Variants in PAN3 observed in about 807,000 individuals in gnomAD.
PAN3 encodes the protein poly(A) specific ribonuclease subunit PAN3.
A neutral mutation model predicts 96.2 loss-of-function variants in PAN3; 19 were observed. That is an observed-to-expected ratio of 0.20 (90% CI 0.14 to 0.29). The LOEUF (loss-of-function observed/expected upper bound fraction) is 0.29, where lower values mean the gene tolerates loss of function less well. Among genes scored for constraint, PAN3 ranks in the 10% least tolerant of loss-of-function variants. The probability of loss-of-function intolerance (pLI) is 1.00; values close to 1 mark genes in which losing one functional copy is unlikely to be tolerated. For synonymous variants in PAN3, 433 were observed against 406.6 expected (o/e 1.06, Z -0.78); for missense variants, 882 against 1,108.1 (o/e 0.80, Z 2.90).
chr13:28,289,703 A>T (rs1157677061), intron 18 of PAN3, among the ~76,000 whole-genome samples: 1 of 152,098 alleles, frequency 6.6e-6, no homozygotes, highest in Non-Finnish European at 1.5e-5. Context: ...AACACGGTGA[A>T]ACCCCGTCCC....
rs531709276 is a variant in PAN3, at chr13:28,272,672, C to T, written c.2049+601C>T. ...ACAACCTCTGCCTCCCAGGTTCAAGCGATTCTCCTGCCTCAGCCTCCCGAG... is the reference window on the plus strand; with the variant it reads ...ACAACCTCTGCCTCCCAGGTTCAAGTGATTCTCCTGCCTCAGCCTCCCGAG... On this transcript the variant is annotated intron_variant, in intron 14 of 18. Transcript: ENST00000380958. 4.0e-5 allele frequency among the ~76,000 whole-genome samples: 6 copies of T among 151,762 alleles called. 1 individual carries two copies. Among genetic ancestry groups the T allele is most frequent in the Middle Eastern group, 6.8e-3 (2 of 294 alleles).
At chr13:28,245,708 A>C (rs1884118402) in intron 6 of PAN3, among the ~76,000 whole-genome samples, 1 of 151,918 alleles carries the variant, frequency 6.6e-6, no homozygotes, top group African/African-American at 2.4e-5. Flanking sequence ...GAAAACCACT[A>C]ATCTATTTTC....
At chr13:28,187,903 A>T (rs772000519) in intron 4 of PAN3, among the ~76,000 whole-genome samples, 1 of 152,086 alleles carries the variant, frequency 6.6e-6, no homozygotes, top group Non-Finnish European at 1.5e-5. Flanking sequence ...TCTGTTGCCC[A>T]GGCTGGTCTT....
At position 28,148,578 on chromosome 13, in the gene PAN3, T is replaced by C. The variant is rs1870971450; in HGVS notation, c.430+9491T>C. ...GTGCAAAAGAGTACATAGTGAAAAA[T>C]AGCCTCCTTCCCTCCCTAGTTACCT... On this transcript the variant is annotated intron_variant, in intron 1 of 18. Transcript: ENST00000380958. Among the ~76,000 whole-genome samples, 2 of 152,104 alleles carry C rather than the reference T, an allele frequency of 1.3e-5. 1 individual carries two copies. Among genetic ancestry groups the C allele is most frequent in the South Asian group, 4.1e-4 (2 of 4,830 alleles).
chr13:28,240,630 T>C (rs1883568733), intron 6 of PAN3, among the ~76,000 whole-genome samples: 1 of 152,208 alleles, frequency 6.6e-6, no homozygotes, highest in Non-Finnish European at 1.5e-5. Context: ...AATTGGGCTT[T>C]AGACAAATGA....
chr13:28,174,908 T>G (rs1874765029), intron 2 of PAN3, among the ~76,000 whole-genome samples: 2 of 152,184 alleles, frequency 1.3e-5, no homozygotes, highest in African/African-American at 4.8e-5. Flanking sequence ...ATGTTGAATT[T>G]AAAGTCATAG....
chr13:28,175,567 A>G (rs1394475832), intron 2 of PAN3, among the ~76,000 whole-genome samples: 5 of 152,276 alleles, frequency 3.3e-5, no homozygotes, highest in Middle Eastern at 3.4e-3. Flanking sequence ...TAGTGTTTAT[A>G]CTTCAAGTTG....
intron 6 of PAN3, among the ~76,000 whole-genome samples, chr13:28,244,535 A>G (rs1883992752): frequency 6.6e-6 from 1 of 152,216 alleles, no homozygotes. Context: ...AACATAAAGT[A>G]TAACCTTTAT....
chr13:28,206,029 C>T (rs78703364), intron 5 of PAN3, among the ~76,000 whole-genome samples: 2,902 of 152,068 alleles, frequency 0.019, 105 homozygotes, highest in African/African-American at 0.065. Context: ...TGTGTCTCTT[C>T]AATATTACTC....
At chr13:28,193,013 T>TG (rs1877488005) in intron 4 of PAN3, among the ~76,000 whole-genome samples, 1 of 152,334 alleles carries the variant, frequency 6.6e-6, no homozygotes, top group African/African-American at 2.4e-5. Flanking sequence ...TTGGCTTCCT[T>TG]GGGCCACATT....
chr13:28,203,780 AGC>A (rs1879027931), intron 5 of PAN3, among the ~76,000 whole-genome samples: 1 of 151,134 alleles, frequency 6.6e-6, no homozygotes, highest in Admixed American at 6.6e-5. Context: ...TTAGTGAGAA[AGC>A]GTCTCTGCTT....
intron 4 of PAN3, among the ~76,000 whole-genome samples, chr13:28,191,570 G>A (rs1306196280): frequency 6.6e-6 from 1 of 152,098 alleles, no homozygotes; most frequent in Non-Finnish European, 1.5e-5. Context: ...CAGTAGTACT[G>A]AAGTTGAGAA....
At chr13:28,282,305 A>G (rs961709240) in intron 17 of PAN3, among the ~76,000 whole-genome samples, 2 of 151,568 alleles carry the variant, frequency 1.3e-5, no homozygotes, top group Admixed American at 1.3e-4. Context: ...GTTAATAGAG[A>G]TAGGTGAGAG....
chr13:28,274,301 G>T (rs1012455279), intron 14 of PAN3, among the ~76,000 whole-genome samples: 1 of 151,916 alleles, frequency 6.6e-6, no homozygotes, highest in African/African-American at 2.4e-5. Context: ...TAGGTAGTTG[G>T]CTCCGATTAA....
At chr13:28,190,417 T>A (rs1007580329) in intron 4 of PAN3, among the ~76,000 whole-genome samples, 9 of 151,244 alleles carry the variant, frequency 6.0e-5, no homozygotes, top group South Asian at 2.1e-4. Flanking sequence ...ATTAAAAAAA[T>A]TTTTTGGCGG....
intron 5 of PAN3, among the ~76,000 whole-genome samples, chr13:28,202,047 C>T (rs773270465): frequency 1.4e-4 from 21 of 151,466 alleles, no homozygotes; most frequent in African/African-American, 4.9e-4. Flanking sequence ...TTCATTCTAC[C>T]TCTTATTTTT....
At chr13:28,141,553 T>C (rs1191840731) in intron 1 of PAN3, among the ~76,000 whole-genome samples, 2 of 144,174 alleles carry the variant, frequency 1.4e-5, no homozygotes, top group Admixed American at 7.3e-5. Context: ...CCGCAACCTC[T>C]GCCTCCCGGG....
chr13:28,141,918 G>A (rs1869907376), intron 1 of PAN3, among the ~76,000 whole-genome samples: 1 of 152,200 alleles, frequency 6.6e-6, no homozygotes, highest in African/African-American at 2.4e-5. Context: ...GAAAATAACT[G>A]AGATATAGGG....
At chr13:28,196,034 T>TG (rs1555276977) in intron 4 of PAN3, among the ~76,000 whole-genome samples, 3,179 of 151,722 alleles carry the variant, frequency 0.021, 48 homozygotes, top group South Asian at 0.045. Flanking sequence ...TTGTTTTTTT[T>TG]TTTTTAATAG....
Sources: allele counts gnomAD v4.1 joint callset (sites outside exome capture counted in the v4.1 genomes callset), GRCh38; gene constraint gnomAD v4.1.1; transcripts MANE v1.5; gene names NCBI Gene and HGNC (gene_info 2026-07-23, HGNC 2026-07-21).